Variants in PRKCH observed in about 807,000 individuals in gnomAD.
The protein encoded by PRKCH is protein kinase C eta.
In PRKCH, 28 loss-of-function variants were observed where a neutral mutation model predicts 82.5. That is an observed-to-expected ratio of 0.34 (90% CI 0.25 to 0.47). The LOEUF is 0.47. Among genes scored for constraint, PRKCH ranks in the 20% least tolerant of loss-of-function variants. The pLI is 1.00. For missense variants in PRKCH, 705 were observed against 881.8 expected (o/e 0.80, Z 2.54); for synonymous variants, 322 against 327.4 (o/e 0.98, Z 0.18).
At chr14:61,430,180 CAAAAG>C (rs1260999900) in intron 2 of PRKCH, among the ~76,000 whole-genome samples, 1 of 152,084 alleles carries the variant, frequency 6.6e-6, no homozygotes, top group Non-Finnish European at 1.5e-5. Flanking sequence ...GACATTTTCT[CAAAAG>C]AAATATGAAT....
intron 2 of PRKCH, among the ~76,000 whole-genome samples, chr14:61,428,233 A>C (rs910898250): frequency 6.6e-6 from 1 of 151,944 alleles, no homozygotes; most frequent in African/African-American, 2.4e-5. Context: ...TCCTGGGATC[A>C]AGCAGTCTAC....
At chr14:61,189,942 A>G (rs1165223208) in intron 1 of PRKCH, among the ~76,000 whole-genome samples, 1 of 150,924 alleles carries the variant, frequency 6.6e-6, no homozygotes, top group Non-Finnish European at 1.5e-5. Context: ...TCTCCCTTTC[A>G]TTTTCTCCTT....
chr14:61,422,512 C>G (rs1335639030), intron 2 of PRKCH, among the ~76,000 whole-genome samples: 1 of 152,182 alleles, frequency 6.6e-6, no homozygotes, highest in African/African-American at 2.4e-5. Context: ...CCGTTCCCCT[C>G]ATCCTCCCTC....
Position 61,358,220 on chromosome 14 carries a change from G to A in PRKCH, c.364-33005G>A, listed in dbSNP as rs954208698. On this transcript the variant is annotated intron_variant, in intron 1 of 13. Coordinates refer to ENST00000332981, the MANE Select transcript of PRKCH (RefSeq NM_006255.5). ...GGGGATAAAAATACTATCCATCTCA[G>A]AAATTCTTATGAGGTAGATTGTAAT... 2.0e-5 allele frequency among the ~76,000 whole-genome samples: 3 copies of A among 152,134 alleles called. 1 individual carries two copies. Among genetic ancestry groups the A allele is most frequent in the African/African-American group, 7.2e-5 (3 of 41,424 alleles).
chr14:61,232,468 G>A (rs1014901281), intron 1 of PRKCH, among the ~76,000 whole-genome samples: 28 of 152,164 alleles, frequency 1.8e-4, no homozygotes, highest in South Asian at 8.3e-4. Context: ...CCATCCACCC[G>A]CTTTGGCCTC....
intron 1 of PRKCH, chr14:61,303,946 C>T (rs2045465726): frequency 6.6e-6 from 1 of 151,620 alleles, no homozygotes; most frequent in Admixed American, 6.6e-5. Context: ...CACTGGCTAC[C>T]TGTGACTGTT....
At position 61,450,729 on chromosome 14, in the gene PRKCH, C is replaced by A. The variant is rs921859333; in HGVS notation, c.703-113C>A. On this transcript the variant is annotated intron_variant, in intron 5 of 13. Coordinates refer to ENST00000332981, the MANE Select transcript of PRKCH (RefSeq NM_006255.5). The stretch of plus-strand genomic sequence containing the variant: ...GGGCTGAGTACAGTAAAATAATATA[C>A]CTAGCTCAGGTGTCATAGTGACACT... 5 of 1,263,430 alleles carry A rather than the reference C, an allele frequency of 4.0e-6. No individual in the cohort carries two copies. In the African/African-American group the frequency reaches 6.1e-5, roughly 15 times the overall value. The allele number at this position is 1,263,430 out of a possible 1,614,324, so 78.3% of individuals were successfully genotyped here.
intron 13 of PRKCH, among the ~76,000 whole-genome samples, chr14:61,548,902 T>C (rs1435532103): frequency 7.3e-5 from 11 of 151,648 alleles, no homozygotes; most frequent in Non-Finnish European, 1.6e-4. Context: ...TATCATTGAT[T>C]AAGGTAAGAG....
intron 1 of PRKCH, among the ~76,000 whole-genome samples, chr14:61,291,793 G>A (rs572155028): frequency 3.3e-4 from 51 of 152,264 alleles, no homozygotes; most frequent in Middle Eastern, 3.4e-3. Flanking sequence ...ATTAAGTGCA[G>A]GTTTCTTATA....
intron 1 of PRKCH, among the ~76,000 whole-genome samples, chr14:61,262,978 C>T (rs1594880260): frequency 6.6e-6 from 1 of 152,160 alleles, no homozygotes; most frequent in South Asian, 2.1e-4. Flanking sequence ...CTCCAGTACA[C>T]AGAATTGGAT....
intron 6 of PRKCH, among the ~76,000 whole-genome samples, chr14:61,451,970 C>G (rs1047657513): frequency 6.6e-6 from 1 of 152,150 alleles, no homozygotes; most frequent in Non-Finnish European, 1.5e-5. Context: ...ACTTGTAGGG[C>G]GTTGGTCCAG....
At chr14:61,268,873 G>C (rs926316592) in intron 1 of PRKCH, among the ~76,000 whole-genome samples, 1 of 152,162 alleles carries the variant, frequency 6.6e-6, no homozygotes, top group Non-Finnish European at 1.5e-5. Flanking sequence ...CCAGAAAGAA[G>C]TGACTATTGT....
At chr14:61,244,671 T>C (rs1399376658) in intron 1 of PRKCH, among the ~76,000 whole-genome samples, 1 of 152,218 alleles carries the variant, frequency 6.6e-6, no homozygotes, top group Non-Finnish European at 1.5e-5. Flanking sequence ...TAGTGGACTC[T>C]GGAGCCACAG....
At chr14:61,221,039 G>T (rs558761206) in intron 1 of PRKCH, among the ~76,000 whole-genome samples, 90 of 152,254 alleles carry the variant, frequency 5.9e-4, no homozygotes, top group African/African-American at 2.1e-3. Flanking sequence ...TGCTGTGGTG[G>T]CAGGTCATTT....
At chr14:61,417,660 G>T (rs1882631371) in intron 2 of PRKCH, among the ~76,000 whole-genome samples, 1 of 152,136 alleles carries the variant, frequency 6.6e-6, no homozygotes, top group Admixed American at 6.5e-5. Flanking sequence ...GTGCATTGTA[G>T]ATTTATGGTT....
At chr14:61,513,242 A>G (rs17098647) in intron 10 of PRKCH, among the ~76,000 whole-genome samples, 9,614 of 152,252 alleles carry the variant, frequency 0.063, 1,036 homozygotes, top group African/African-American at 0.22. Context: ...TAAGGTAAGA[A>G]ACTCAGAGCT....
chr14:61,461,132 C>T (rs913870716), intron 9 of PRKCH, among the ~76,000 whole-genome samples: 17 of 152,186 alleles, frequency 1.1e-4, no homozygotes, highest in African/African-American at 4.1e-4. Context: ...CTCTTGATGG[C>T]CCTGGAGCCC....
chr14:61,505,438 G>A (rs1887107117), intron 10 of PRKCH, among the ~76,000 whole-genome samples: 1 of 95,586 alleles, frequency 1.0e-5, no homozygotes, highest in Non-Finnish European at 1.9e-5. Flanking sequence ...GTGGAGTCTT[G>A]CTCTATCGCC....
chr14:61,284,895 C>G (rs2045301199), intron 1 of PRKCH, among the ~76,000 whole-genome samples: 1 of 152,084 alleles, frequency 6.6e-6, no homozygotes, highest in Non-Finnish European at 1.5e-5. Context: ...GATATACACA[C>G]AATTATTCTA....
Sources: allele counts gnomAD v4.1 joint callset (sites outside exome capture counted in the v4.1 genomes callset), GRCh38; gene constraint gnomAD v4.1.1; transcripts MANE v1.5; gene names NCBI Gene and HGNC (gene_info 2026-07-23, HGNC 2026-07-21).